NDST4: variants seen among roughly 807,000 people sequenced by gnomAD.
NDST4 encodes the protein N-deacetylase and N-sulfotransferase 4, also known as N-heparan sulfate sulfotransferase 4.
A neutral mutation model predicts 100.8 loss-of-function variants in NDST4; 63 were observed. That is an observed-to-expected ratio of 0.62 (90% CI 0.51 to 0.77). NDST4 has a LOEUF of 0.77. NDST4 is among the 30% of genes least tolerant of loss of function. NDST4 has a pLI of 0.00. For missense variants in NDST4, 943 were observed against 1,018.4 expected, an observed-to-expected ratio of 0.93 and a Z score of 1.01; for synonymous variants, 377 against 361.8, an observed-to-expected ratio of 1.04 and a Z score of -0.48.
chr4:114,987,801 C>T (rs776014699), intron 2 of NDST4, among the ~76,000 whole-genome samples: 16 of 152,138 alleles, frequency 1.1e-4, no homozygotes, highest in South Asian at 4.2e-4. Context: ...ACACCCACCT[C>T]CACTTGCTTA....
chr4:114,864,935 T>C (rs1316896009), intron 7 of NDST4, among the ~76,000 whole-genome samples: 1 of 152,240 alleles, frequency 6.6e-6, no homozygotes, highest in East Asian at 1.9e-4. Context: ...AATGTCTATC[T>C]ATTCTTCACC....
intron 6 of NDST4, among the ~76,000 whole-genome samples, chr4:114,882,518 G>T (rs538301368): frequency 3.2e-4 from 48 of 152,030 alleles, no homozygotes; most frequent in African/African-American, 1.2e-3. Context: ...ATTCAACATG[G>T]CCAGGCAACA....
chr4:114,863,361 G>T (rs1176489052), intron 7 of NDST4, among the ~76,000 whole-genome samples: 1 of 152,210 alleles, frequency 6.6e-6, no homozygotes, highest in East Asian at 1.9e-4. Flanking sequence ...TCCAAATCTG[G>T]CGTTCTCTCT....
chr4:114,963,907 T>C (rs1726322396), intron 4 of NDST4, among the ~76,000 whole-genome samples: 1 of 152,224 alleles, frequency 6.6e-6, no homozygotes, highest in African/African-American at 2.4e-5. Flanking sequence ...GCAGCTTCTA[T>C]AATGTCTTCC....
intron 7 of NDST4, among the ~76,000 whole-genome samples, chr4:114,859,604 G>T (rs999991644): frequency 2.6e-5 from 4 of 152,088 alleles, no homozygotes; most frequent in African/African-American, 4.8e-5. Flanking sequence ...CCCAGCTAGG[G>T]GATTGAGAAT....
intron 2 of NDST4, among the ~76,000 whole-genome samples, chr4:115,068,815 C>CAA (rs34003720): frequency 5.2e-5 from 4 of 77,580 alleles, no homozygotes; most frequent in Admixed American, 1.4e-4. Context: ...GGCTCCATCT[C>CAA]AAAAAAAAAA....
intron 2 of NDST4, among the ~76,000 whole-genome samples, chr4:114,983,017 G>C (rs1726814210): frequency 1.3e-5 from 2 of 152,154 alleles, no homozygotes; most frequent in Non-Finnish European, 1.5e-5. Context: ...CTGCAGGTGG[G>C]AAGGAGGTAA....
chr4:114,947,518 GGTATTAA>G lies in NDST4; in HGVS notation c.1222-10022_1222-10016del, dbSNP rs762248962. Reference sequence around the variant, plus strand: ...ATTTAGAAGCAAGAGAAAAGTTACAGGTATTAAGTATTAAGTTTCTACTAGTGCCTTT... The same window carrying G: ...ATTTAGAAGCAAGAGAAAAGTTACAGGTATTAAGTTTCTACTAGTGCCTTT... On this transcript the variant is annotated intron_variant, in intron 4 of 13. Coordinates refer to ENST00000264363, the MANE Select transcript of NDST4 (RefSeq NM_022569.3). Among the ~76,000 whole-genome samples, 17 of 152,146 alleles carry G rather than the reference GGTATTAA, an allele frequency of 1.1e-4. No individual in the cohort carries two copies. The East Asian group carries it at 1.4e-3, about 12-fold the overall frequency.
intron 8 of NDST4, among the ~76,000 whole-genome samples, 169 bp from the exon 9 acceptor site, chr4:114,848,507 C>G (rs1264018726): frequency 6.6e-6 from 1 of 152,208 alleles, no homozygotes; most frequent in Admixed American, 6.5e-5. Flanking sequence ...TCTAAGTGTT[C>G]TATTTTTAGT....
At chr4:114,956,444 T>G (rs1007347839) in intron 4 of NDST4, among the ~76,000 whole-genome samples, 1 of 152,138 alleles carries the variant, frequency 6.6e-6, no homozygotes, top group Admixed American at 6.5e-5. Flanking sequence ...ATAATTAAGA[T>G]AGAAAACAAG....
intron 1 of NDST4, among the ~76,000 whole-genome samples, chr4:115,083,964 C>T (rs1729358919): frequency 6.6e-6 from 1 of 152,094 alleles, no homozygotes; most frequent in Non-Finnish European, 1.5e-5. Context: ...TGAGGCACTG[C>T]TGTAAATACC....
chr4:114,869,545 T>C (rs1724103901), intron 7 of NDST4, among the ~76,000 whole-genome samples: 1 of 152,132 alleles, frequency 6.6e-6, no homozygotes, highest in South Asian at 2.1e-4. Flanking sequence ...TATATGCGCA[T>C]AATACTTATG....
intron 2 of NDST4, among the ~76,000 whole-genome samples, chr4:115,061,669 G>A (rs543426356): frequency 3.9e-4 from 60 of 152,056 alleles, no homozygotes; most frequent in African/African-American, 1.3e-3. Context: ...AATACCTAAC[G>A]CATGCGGGGC....
At chr4:115,060,391 G>A (rs373714568) in intron 2 of NDST4, among the ~76,000 whole-genome samples, 1 of 151,864 alleles carries the variant, frequency 6.6e-6, no homozygotes, top group Admixed American at 6.6e-5. Context: ...TTCATTTTGA[G>A]AGGTCAATGT....
At chr4:114,942,597 A>G (rs769219047) in intron 4 of NDST4, among the ~76,000 whole-genome samples, 1 of 152,072 alleles carries the variant, frequency 6.6e-6, no homozygotes, top group Non-Finnish European at 1.5e-5. Context: ...ATGCAATTCA[A>G]TATAATAAAT....
At chr4:114,830,541 TGTC>T (rs1195135672) in intron 12 of NDST4, among the ~76,000 whole-genome samples, 3 of 152,222 alleles carry the variant, frequency 2.0e-5, no homozygotes, top group African/African-American at 2.4e-5. Context: ...AAAACTCTAA[TGTC>T]GTTTTGCTCA....
In NDST4 at chr4:115,103,119, G is replaced by A. The variant is rs143192287; in HGVS notation, c.-247+10325C>T. 4.9e-3 allele frequency among the ~76,000 whole-genome samples: 745 copies of A among 152,160 alleles called. 6 individuals are homozygous for A. Among genetic ancestry groups the A allele is most frequent in the African/African-American group, 0.017 (712 of 41,542 alleles). On this transcript the variant is annotated intron_variant, in intron 1 of 13. Coordinates refer to ENST00000264363, the MANE Select transcript of NDST4 (RefSeq NM_022569.3). ...AGTCTATTACCTAGTTTACAGAAAG[G>A]TCTAGCAAGATGTTAATCATTATGT...
intron 6 of NDST4, among the ~76,000 whole-genome samples, chr4:114,888,237 T>C (rs199813086): frequency 2.7e-5 from 4 of 148,112 alleles, no homozygotes; most frequent in Admixed American, 2.7e-4. Flanking sequence ...TTAATTAAAA[T>C]ATATATATAT....
At chr4:114,913,971 C>T (rs2126216098) in intron 6 of NDST4, among the ~76,000 whole-genome samples, 1 of 152,124 alleles carries the variant, frequency 6.6e-6, no homozygotes, top group East Asian at 1.9e-4. Context: ...AGAAAATCTC[C>T]TTTCAAACAA....
Sources: allele counts gnomAD v4.1 joint callset (sites outside exome capture counted in the v4.1 genomes callset), GRCh38; gene constraint gnomAD v4.1.1; transcripts MANE v1.5; gene names NCBI Gene and HGNC (gene_info 2026-07-23, HGNC 2026-07-21).